The following SPTBN4 variants were observed in gnomAD, a reference collection of about 807,000 sequenced individuals.
SPTBN4 encodes the protein spectrin beta chain, non-erythrocytic 4.
Under a neutral mutation model 277.8 loss-of-function variants are expected in SPTBN4, and 96 were observed. That is an observed-to-expected ratio of 0.35 (90% CI 0.29 to 0.41). The LOEUF is 0.41. SPTBN4 is among the 10% of genes least tolerant of loss of function. SPTBN4 has a pLI of 1.00. For synonymous variants in SPTBN4, 1,481 were observed against 1,580.3 expected (o/e 0.94, Z 1.49); for missense variants, 3,006 against 3,595.7 (o/e 0.84, Z 4.19).
chr19:40,536,625 G>A (rs930393009), intron 20 of SPTBN4, among the ~76,000 whole-genome samples: 4 of 152,098 alleles, frequency 2.6e-5, no homozygotes, highest in Admixed American at 2.0e-4. Context: ...GTCTGTGTGG[G>A]TTAGACCTAT....
chr19:40,565,909 A>G (rs917617720), intron 29 of SPTBN4, among the ~76,000 whole-genome samples, 164 bp downstream of exon 29: 1 of 152,086 alleles, frequency 6.6e-6, no homozygotes, highest in African/African-American at 2.4e-5. Flanking sequence ...CTGCCTTGCC[A>G]TTGAATACCC....
chr19:40,510,222 T>C (rs1316286045), intron 13 of SPTBN4, among the ~76,000 whole-genome samples: 2 of 152,106 alleles, frequency 1.3e-5, no homozygotes, highest in Non-Finnish European at 2.9e-5. Flanking sequence ...ATAAGGACAC[T>C]GGCCTCATAG....
At chr19:40,528,080 C>T (rs1242631504) in intron 17 of SPTBN4, among the ~76,000 whole-genome samples, 1 of 140,692 alleles carries the variant, frequency 7.1e-6, no homozygotes, top group Non-Finnish European at 1.6e-5. Flanking sequence ...AAAAAAAGGA[C>T]TCTAAGGACT....
In SPTBN4 at chr19:40,529,328, G is replaced by T. The variant is rs556884830; in HGVS notation, c.3948+197G>T. Among the ~76,000 whole-genome samples, 21 of 152,336 alleles carry T rather than the reference G, an allele frequency of 1.4e-4. No homozygotes were observed. In the East Asian group the frequency reaches 4.1e-3, roughly 29 times the overall value. On this transcript the variant is annotated intron_variant, in intron 18 of 35. Coordinates refer to ENST00000598249, the MANE Select transcript of SPTBN4 (RefSeq NM_020971.3). Reference sequence around the variant, plus strand: ...GTCCCTGCCCGCCCACGCCGACTCCGGGAAACGAAGGAGGGGCCCCGGGCG... The same window carrying T: ...GTCCCTGCCCGCCCACGCCGACTCCTGGAAACGAAGGAGGGGCCCCGGGCG...
chr19:40,567,756 G>A lies in SPTBN4; in HGVS notation c.6430G>A (p.Ala2144Thr). Residue 2144 changes from alanine to threonine, a missense_variant, in exon 31 of 36, where the codon GCG (alanine) becomes ACG (threonine). Transcript: ENST00000598249. ...GGACCCCACGGAACTGGCGGCCAAG[G>A]CGGCGCCCCTGCTGCGGCCAGGGGG... ...FGDPTELAAKAAPLLRPGGYE... is the reference protein window; with the variant it reads ...FGDPTELAAKTAPLLRPGGYE... 4 of 1,544,920 alleles carry A rather than the reference G, an allele frequency of 2.6e-6. No individual in the cohort carries two copies. The highest frequency in any genetic ancestry group is 3.5e-6 in the Non-Finnish European group (4 of 1,145,888).
At chr19:40,505,745 AG>A (rs1239959455) in intron 12 of SPTBN4, among the ~76,000 whole-genome samples, 38 of 151,516 alleles carry the variant, frequency 2.5e-4, no homozygotes, top group African/African-American at 9.0e-4. Flanking sequence ...GAAGGAAGGA[AG>A]GAAGGAAGAA....
chr19:40,513,653 GGAGTTCCAATC>G, intron 14 of SPTBN4, 99 bp downstream of exon 14: 1 of 1,237,250 alleles, frequency 8.1e-7, no homozygotes, highest in Admixed American at 2.8e-5. Flanking sequence ...GCTGGAACTA[GGAGTTCCAATC>G]CCTGCTTCAC....
Position 40,487,680 on chromosome 19 carries a change from C to T in SPTBN4, c.170-17C>T. The T allele has an allele frequency of 6.2e-7, 1 of 1,603,650 alleles. No homozygotes were observed. The highest frequency in any genetic ancestry group is 8.5e-7 in the Non-Finnish European group (1 of 1,174,970). On this transcript the variant is annotated splice_polypyrimidine_tract_variant and intron_variant, in intron 2 of 35. Transcript: ENST00000598249. ...AAGGTGGAAGCGCCTGGGGGCTCAT[C>T]AGGGCCTCTCCTCCAGATGAGCGGG...
At chr19:40,508,425 G>A (rs770788249) in intron 13 of SPTBN4, among the ~76,000 whole-genome samples, 8 of 152,180 alleles carry the variant, frequency 5.3e-5, no homozygotes, top group Non-Finnish European at 1.2e-4. Context: ...GGTGGCTCAC[G>A]CCTGTAATCC....
rs147121644 is a variant in SPTBN4, at chr19:40,501,964, C to A, written c.828C>A (p.Tyr276Ter). 6.2e-7 allele frequency: 1 copy of A among 1,614,080 alleles called. No homozygotes were observed. The highest frequency in any genetic ancestry group is 1.3e-5 in the African/African-American group (1 of 74,926). Residue 276 changes from tyrosine (Y) to a stop codon, truncating the protein, a stop_gained, in exon 8 of 36, where the codon TAC becomes TAA. Transcript: ENST00000598249. LOFTEE classifies it high-confidence loss of function. ...EAPDEKSIIT[Y>*]VVSFYHYFSK... ...CAGATGAGAAGTCCATCATCACCTA[C>A]GTGGTCTCTTTCTACCACTATTTCT...
In SPTBN4 at chr19:40,550,275, C is replaced by G. The variant is rs757992918; in HGVS notation, c.4622C>G (p.Thr1541Arg). Residue 1541 changes from threonine (T) to arginine (R), a missense_variant, in exon 22 of 36, where the codon ACA becomes AGA. Physicochemically the swap from Thr to Arg is moderately conservative, Grantham distance 71 (BLOSUM62 -1). This residue lies in a region of SPTBN4 where 1,759 missense variants were observed against 2,061.5 expected (regional missense o/e 0.85). Transcript: ENST00000598249. Reference sequence around the variant, plus strand: ...GAGCGGCTGCCACTGGCCATGCAGACAGAGCGAGGCAACGGTTTGCAGGCG... The same window carrying G: ...GAGCGGCTGCCACTGGCCATGCAGAGAGAGCGAGGCAACGGTTTGCAGGCG... ...VQERLPLAMQ[T>R]ERGNGLQAVQ... 1 of 1,612,996 alleles carries G rather than the reference C, an allele frequency of 6.2e-7. No homozygotes were observed. The highest frequency in any genetic ancestry group is 1.3e-5 in the African/African-American group (1 of 74,890).
chr19:40,504,159 G>A, intron 12 of SPTBN4, 27 bp downstream of exon 12: 2 of 1,304,828 alleles, frequency 1.5e-6, no homozygotes, highest in Non-Finnish European at 2.1e-6. Flanking sequence ...GGGGATGCGG[G>A]TGGAGTGCCA....
rs373069703 is a variant in SPTBN4, at chr19:40,502,943, G to A, written c.1362+10G>A. 6 of 1,612,976 alleles carry A rather than the reference G, an allele frequency of 3.7e-6. No individual in the cohort carries two copies. Among genetic ancestry groups the A allele is most frequent in the Non-Finnish European group, 4.2e-6 (5 of 1,179,628 alleles). On this transcript the variant is annotated intron_variant, in intron 11 of 35. Coordinates refer to ENST00000598249, the MANE Select transcript of SPTBN4 (RefSeq NM_020971.3). The surrounding 1 kb of genome is among the most constrained non-coding windows in gnomAD (Gnocchi z 4.9). ...GCGTCTGGTCTCCCAGGTACAAGGT[G>A]TAGGGCTTGGCTCCAGGGTAAAGGG...
intron 32 of SPTBN4, 124 bp downstream of exon 32, chr19:40,569,850 C>T (rs2081132794): frequency 1.1e-6 from 1 of 888,090 alleles, no homozygotes; most frequent in Non-Finnish European, 1.6e-6. Flanking sequence ...CCTGCAGAGA[C>T]AGCATGGACT....
In SPTBN4 at chr19:40,509,068, A is replaced by G. The variant is rs146015762; in HGVS notation, c.1816+2682A>G. On this transcript the variant is annotated intron_variant, in intron 13 of 35. Coordinates refer to ENST00000598249, the MANE Select transcript of SPTBN4 (RefSeq NM_020971.3). ...CGTTCTGTGAGTTTTTTTTATTATT[A>G]TTGTTGTTGTTTATTGCTTTTTTTT... Among the ~76,000 whole-genome samples the G allele has an allele frequency of 8.0e-3, 727 of 91,266 alleles. 8 individuals are homozygous for G. Among genetic ancestry groups the G allele is most frequent in the Non-Finnish European group, 0.011 (492 of 43,184 alleles). The allele number at this position is 91,266 out of a possible 152,430, so 59.9% of individuals were successfully genotyped here.
chr19:40,504,420 A>G (rs578054626), intron 12 of SPTBN4, among the ~76,000 whole-genome samples: 10 of 152,328 alleles, frequency 6.6e-5, no homozygotes, highest in Admixed American at 4.6e-4. Context: ...TAATACCAGC[A>G]CTTTGGGAGG....
intron 2 of SPTBN4, 48 bp from the exon 3 acceptor site, chr19:40,487,649 G>T (rs769987140): frequency 6.4e-6 from 10 of 1,571,798 alleles, no homozygotes; most frequent in Non-Finnish European, 8.6e-6. Flanking sequence ...GCGGAGGGCT[G>T]GGGTGAAGGT....
At chr19:40,477,581 T>C (rs946394831) in intron 2 of SPTBN4, among the ~76,000 whole-genome samples, 1 of 152,098 alleles carries the variant, frequency 6.6e-6, no homozygotes, top group Admixed American at 6.6e-5. Context: ...CATCAGGCTG[T>C]GATGGGGAAG....
intron 13 of SPTBN4, among the ~76,000 whole-genome samples, chr19:40,509,368 C>T (rs1430315293): frequency 6.6e-6 from 1 of 152,150 alleles, no homozygotes; most frequent in African/African-American, 2.4e-5. Flanking sequence ...GCCTCAGCCT[C>T]CCGAGTAGCT....
Sources: gnomAD v4.1 joint callset for allele counts (sites outside exome capture counted in the v4.1 genomes callset) on GRCh38, gnomAD v4.1.1 for gene constraint, gnomAD v4.1.1 regional missense constraint, Gnocchi (gnomAD v3.1) non-coding constraint, MANE v1.5 for transcripts, NCBI Gene and HGNC (gene_info 2026-07-23, HGNC 2026-07-21) for gene names.